Variants in FIP1L1 observed in about 807,000 individuals in gnomAD.
FIP1L1 encodes the protein factor interacting with PAPOLA and CPSF1, also known as pre-mRNA 3'-end-processing factor FIP1.
Under a neutral mutation model 84.6 loss-of-function variants are expected in FIP1L1, and 21 were observed. That is an observed-to-expected ratio of 0.25 (90% CI 0.18 to 0.36). The LOEUF (loss-of-function observed/expected upper bound fraction) is 0.36, where lower values mean the gene tolerates loss of function less well. Among genes scored for constraint, FIP1L1 ranks in the 10% least tolerant of loss-of-function variants. The pLI, the probability that FIP1L1 is intolerant of heterozygous loss-of-function variation, is 1.00. For synonymous variants in FIP1L1, 263 were observed against 242.3 expected (o/e 1.09, Z -0.80); for missense variants, 526 against 751.1 (o/e 0.70, Z 3.50).
chr4:53,414,844 T>G, intron 11 of FIP1L1, 122 bp downstream of exon 11: 1 of 638,656 alleles, frequency 1.6e-6, no homozygotes, highest in Admixed American at 2.8e-5. Flanking sequence ...TTATGCTTTT[T>G]CAGGGTACAG....
chr4:53,402,012 G>A (rs1389379661), intron 10 of FIP1L1, among the ~76,000 whole-genome samples: 1 of 152,154 alleles, frequency 6.6e-6, no homozygotes, highest in Non-Finnish European at 1.5e-5. Flanking sequence ...GGAAAATAAG[G>A]ATTAACTAGT....
Position 53,459,301 on chromosome 4 carries a change from G to A in FIP1L1, c.1638-1G>A. ...CCTTTTTTTTTTTTTTTTTTTTCCA[G>A]TAATAGTAGACGTCGCCATGAAAGT... On this transcript the variant is annotated splice_acceptor_variant, in intron 17 of 17. Coordinates refer to ENST00000337488, the MANE Select transcript of FIP1L1 (RefSeq NM_030917.4). LOFTEE classifies it high-confidence loss of function. 3.4e-6 allele frequency: 3 copies of A among 886,506 alleles called. No individual in the cohort carries two copies. The highest frequency in any genetic ancestry group is 3.1e-6 in the Non-Finnish European group (2 of 638,542). 54.9% of individuals were successfully genotyped at this position (886,506 alleles called of 1,614,324 possible). A position where few individuals can be genotyped will look rare whatever the true frequency, so the allele number is the denominator to read the frequency against.
At chr4:53,398,606 T>G (rs982194694) in intron 9 of FIP1L1, among the ~76,000 whole-genome samples, 12 of 152,058 alleles carry the variant, frequency 7.9e-5, no homozygotes, top group African/African-American at 2.6e-4. Context: ...TAAATAGAAT[T>G]TAAGTAGAAC....
Position 53,424,617 on chromosome 4 carries a change from TTCAGATG to T in FIP1L1, c.924-1251_924-1245del, listed in dbSNP as rs1467837322. Among the ~76,000 whole-genome samples, 3 of 152,188 alleles carry T rather than the reference TTCAGATG, an allele frequency of 2.0e-5. No homozygotes were observed. In the East Asian group the frequency reaches 5.8e-4, roughly 29 times the overall value. On this transcript the variant is annotated intron_variant, in intron 11 of 17. Transcript: ENST00000337488. ...GAACTGACTATGTACTTGAAAACATTTCAGATGTCATGATGTGCTTTTTATAGGGCTG... is the reference window on the plus strand; with the variant it reads ...GAACTGACTATGTACTTGAAAACATTTCATGATGTGCTTTTTATAGGGCTG...
At chr4:53,417,763 ACTCTCTCTCTCTCTCTCTCTCTCT>A (rs58568620) in intron 11 of FIP1L1, among the ~76,000 whole-genome samples, 2,535 of 105,266 alleles carry the variant, frequency 0.024, 115 homozygotes, top group South Asian at 0.077. Flanking sequence ...ACACACACAC[ACTCTCTCTCTCTCTCTCTCTCTCT>A]CTCTCTCTCT....
chr4:53,427,298 T>C (rs1276268117), intron 12 of FIP1L1, among the ~76,000 whole-genome samples: 1 of 152,184 alleles, frequency 6.6e-6, no homozygotes, highest in Non-Finnish European at 1.5e-5. Flanking sequence ...CCAAATTTAT[T>C]TACACATCCT....
chr4:53,459,593 A>G lies in FIP1L1; in HGVS notation c.*144A>G. 8.5e-7 allele frequency: 1 copy of G among 1,182,088 alleles called. No individual in the cohort carries two copies. Among genetic ancestry groups the G allele is most frequent in the Non-Finnish European group, 1.2e-6 (1 of 822,558 alleles). 73.2% of individuals were successfully genotyped at this position (1,182,088 alleles called of 1,614,324 possible). On this transcript the variant is annotated 3_prime_UTR_variant, in exon 18 of 18. Coordinates refer to ENST00000337488, the MANE Select transcript of FIP1L1 (RefSeq NM_030917.4). ...AAGTTAACTTTTTTTCCAAAATAAA[A>G]GAGTGAATTTTTCATGTTAAGTTAA...
rs181731439 is a variant in FIP1L1 at position 53,408,412 on chromosome 4, C to G, written c.816-6203C>G. Among the ~76,000 whole-genome samples, 281 of 152,302 alleles carry G rather than the reference C, an allele frequency of 1.8e-3. 1 individual carries two copies. The highest frequency in any genetic ancestry group is 6.9e-3 in the Admixed American group (105 of 15,302). The stretch of plus-strand genomic sequence containing the variant: ...TTTGTGGGTAACCCGACCTTTCTCT[C>G]TGGCTGCCCTGAACATTTTTTCCTT... On this transcript the variant is annotated intron_variant, in intron 10 of 17. Coordinates refer to ENST00000337488, the MANE Select transcript of FIP1L1 (RefSeq NM_030917.4).
At chr4:53,432,398 C>CAAAAAAAAAAAAAAAAAAA in intron 13 of FIP1L1, among the ~76,000 whole-genome samples, 1 of 68,404 alleles carries the variant, frequency 1.5e-5, no homozygotes, top group Non-Finnish European at 2.6e-5. Flanking sequence ...AACTCCATCT[C>CAAAAAAAAAAAAAAAAAAA]AAAAAAAAAA....
chr4:53,403,302 A>T (rs958209872), intron 10 of FIP1L1, among the ~76,000 whole-genome samples: 1 of 152,204 alleles, frequency 6.6e-6, no homozygotes, highest in African/African-American at 2.4e-5. Flanking sequence ...CTTGGTTTCA[A>T]TTACCTGTAG....
intron 13 of FIP1L1, among the ~76,000 whole-genome samples, chr4:53,428,948 C>T (rs1399529235): frequency 6.6e-6 from 1 of 152,120 alleles, no homozygotes; most frequent in Non-Finnish European, 1.5e-5. Flanking sequence ...ACATGAAAGA[C>T]GTATGTTAGG....
chr4:53,400,532 A>G (rs988544273), intron 10 of FIP1L1, among the ~76,000 whole-genome samples: 2 of 152,128 alleles, frequency 1.3e-5, no homozygotes, highest in African/African-American at 2.4e-5. Flanking sequence ...TAATAACCCA[A>G]CTATTACTAG....
At chr4:53,399,376 T>A (rs1488921125) in intron 9 of FIP1L1, among the ~76,000 whole-genome samples, 1 of 152,228 alleles carries the variant, frequency 6.6e-6, no homozygotes, top group Non-Finnish European at 1.5e-5. Context: ...AACGGGAAAA[T>A]TCTTCAAGGT....
intron 16 of FIP1L1, among the ~76,000 whole-genome samples, chr4:53,455,659 T>G (rs1349155315): frequency 6.6e-6 from 1 of 152,110 alleles, no homozygotes; most frequent in African/African-American, 2.4e-5. Context: ...TCAGAGATAT[T>G]ATAACAAATT....
chr4:53,434,196 A>C (rs1578901161), intron 13 of FIP1L1, among the ~76,000 whole-genome samples: 1 of 152,204 alleles, frequency 6.6e-6, no homozygotes, highest in East Asian at 1.9e-4. Flanking sequence ...AAATTAAAAT[A>C]TTAGAGATAT....
intron 13 of FIP1L1, chr4:53,440,993 T>A (rs1172069252): frequency 1.1e-5 from 2 of 175,530 alleles, no homozygotes; most frequent in Non-Finnish European, 2.4e-5. Flanking sequence ...TCCGATTTTT[T>A]AATTTTAGTC....
intron 10 of FIP1L1, among the ~76,000 whole-genome samples, chr4:53,409,303 A>G (rs1755704993): frequency 6.6e-6 from 1 of 152,162 alleles, no homozygotes; most frequent in African/African-American, 2.4e-5. Flanking sequence ...GTGGCTGCAG[A>G]ACAGCGGATT....
At chr4:53,412,788 G>A (rs1183523168) in intron 10 of FIP1L1, among the ~76,000 whole-genome samples, 1 of 152,044 alleles carries the variant, frequency 6.6e-6, no homozygotes, top group Non-Finnish European at 1.5e-5. Flanking sequence ...GTAATTTGTG[G>A]AAAGGCTAAA....
At chr4:53,420,213 A>AAACAAAAC (rs1761718607) in intron 11 of FIP1L1, among the ~76,000 whole-genome samples, 7 of 133,738 alleles carry the variant, frequency 5.2e-5, no homozygotes, top group Non-Finnish European at 1.1e-4. Context: ...AAAAAAAAAA[A>AAACAAAAC]AAAAAAAAAA....
Sources: gnomAD v4.1 joint callset for allele counts (sites outside exome capture counted in the v4.1 genomes callset) on GRCh38, gnomAD v4.1.1 for gene constraint, MANE v1.5 for transcripts, NCBI Gene and HGNC (gene_info 2026-07-23, HGNC 2026-07-21) for gene names.